Variants in PALM2AKAP2 observed in about 807,000 individuals in gnomAD.
The protein encoded by PALM2AKAP2 is PALM2 and AKAP2 fusion.
In PALM2AKAP2, 37 loss-of-function variants were observed where a neutral mutation model predicts 71.5. That is an observed-to-expected ratio of 0.52 (90% CI 0.40 to 0.68). The LOEUF is 0.68. PALM2AKAP2 is among the 30% of genes least tolerant of loss of function. The pLI is 0.00. For missense variants in PALM2AKAP2, 1,224 were observed against 1,191.8 expected (o/e 1.03, Z -0.40); for synonymous variants, 468 against 478.8 (o/e 0.98, Z 0.29).
At chr9:110,006,269 TTCTC>T (rs767963720) in intron 6 of PALM2AKAP2, among the ~76,000 whole-genome samples, 149 of 151,340 alleles carry the variant, frequency 9.8e-4, no homozygotes, top group Non-Finnish European at 1.9e-3. Context: ...TCCTTCCATT[TTCTC>T]TCTCTCTCTT....
chr9:109,977,847 G>T (rs1429607100), intron 6 of PALM2AKAP2, among the ~76,000 whole-genome samples: 1 of 151,996 alleles, frequency 6.6e-6, no homozygotes, highest in African/African-American at 2.4e-5. Flanking sequence ...TCTGTTTTCA[G>T]TCCCACCTTG....
At chr9:109,951,476 A>G (rs1588029399) in intron 6 of PALM2AKAP2, among the ~76,000 whole-genome samples, 2 of 151,978 alleles carry the variant, frequency 1.3e-5, no homozygotes, top group African/African-American at 2.4e-5. Context: ...CACTGCATCT[A>G]CCTCTGTGTG....
At chr9:109,762,842 C>A (rs535786826) in intron 1 of PALM2AKAP2, among the ~76,000 whole-genome samples, 5 of 152,176 alleles carry the variant, frequency 3.3e-5, no homozygotes, top group Non-Finnish European at 7.4e-5. Context: ...TCTCAATGCC[C>A]CTCCTTCCCA....
intron 1 of PALM2AKAP2, among the ~76,000 whole-genome samples, chr9:109,647,797 T>C (rs1038067834): frequency 1.2e-4 from 19 of 152,230 alleles, no homozygotes; most frequent in Non-Finnish European, 2.2e-4. Context: ...GCTTAAAATA[T>C]CTCATTGACT....
chr9:109,836,995 C>T (rs1828499329), intron 1 of PALM2AKAP2, among the ~76,000 whole-genome samples: 1 of 152,186 alleles, frequency 6.6e-6, no homozygotes, highest in Non-Finnish European at 1.5e-5. Flanking sequence ...CATAGCAATG[C>T]AGGCCAACAT....
At chr9:109,748,354 G>A (rs987636501) in intron 1 of PALM2AKAP2, among the ~76,000 whole-genome samples, 2 of 152,082 alleles carry the variant, frequency 1.3e-5, no homozygotes, top group Non-Finnish European at 2.9e-5. Flanking sequence ...GGACACTAGG[G>A]TTTGCAGGGA....
chr9:110,170,276 A>C (rs1376493054), exon 4 of PALM2AKAP2: 1 of 152,628 alleles, frequency 6.6e-6, no homozygotes, highest in Admixed American at 6.5e-5. Flanking sequence ...TAAAAAAGCA[A>C]TAATTAACTC....
At chr9:110,045,725 G>A (rs1048591767), upstream of PALM2AKAP2, among the ~76,000 whole-genome samples, 3 of 152,014 alleles carry the variant, frequency 2.0e-5, no homozygotes, top group African/African-American at 4.8e-5. Flanking sequence ...CTGCCACCAC[G>A]TCTGGCTAAT....
chr9:110,045,402 G>C (rs1411935626), upstream of PALM2AKAP2, among the ~76,000 whole-genome samples: 1 of 152,066 alleles, frequency 6.6e-6, no homozygotes, highest in Non-Finnish European at 1.5e-5. Flanking sequence ...ATGATGTGAT[G>C]AACCACAAGC....
At chr9:110,158,564 C>T (rs892551641) in intron 3 of PALM2AKAP2, among the ~76,000 whole-genome samples, 6 of 152,184 alleles carry the variant, frequency 3.9e-5, no homozygotes, top group African/African-American at 1.4e-4. Flanking sequence ...CTCTGGCAGC[C>T]ACCTAACAAA....
intron 1 of PALM2AKAP2, among the ~76,000 whole-genome samples, chr9:109,655,489 A>G (rs1451272054): frequency 1.3e-5 from 2 of 152,266 alleles, no homozygotes; most frequent in African/African-American, 4.8e-5. Context: ...TTATAAGTGC[A>G]TAATTCAGTG....
At chr9:109,787,030 T>C (rs1051654127) in intron 1 of PALM2AKAP2, among the ~76,000 whole-genome samples, 2 of 152,314 alleles carry the variant, frequency 1.3e-5, no homozygotes, top group South Asian at 4.2e-4. Flanking sequence ...TTCTGTGGCA[T>C]GAAATTGACT....
intron 1 of PALM2AKAP2, among the ~76,000 whole-genome samples, chr9:109,644,331 A>G (rs10116775): frequency 0.65 from 98,046 of 151,476 alleles, 32,127 homozygotes; most frequent in African/African-American, 0.74. Flanking sequence ...TCTCCGGTAG[A>G]AAAGCCCACT....
intron 1 of PALM2AKAP2, among the ~76,000 whole-genome samples, chr9:110,066,459 G>A (rs923117390): frequency 1.3e-5 from 2 of 152,196 alleles, no homozygotes; most frequent in African/African-American, 4.8e-5. Flanking sequence ...CACTTTGGGA[G>A]GCTAAGGCAG....
chr9:109,970,399 C>G (rs972445837), intron 6 of PALM2AKAP2, among the ~76,000 whole-genome samples: 6 of 152,158 alleles, frequency 3.9e-5, no homozygotes, highest in Non-Finnish European at 8.8e-5. Flanking sequence ...TTGAGGAGCG[C>G]TGCCTTAGAG....
upstream of PALM2AKAP2, chr9:109,780,324 C>G: frequency 1.4e-6 from 2 of 1,409,676 alleles, no homozygotes; most frequent in Non-Finnish European, 1.9e-6. Flanking sequence ...GCGAGCCCGC[C>G]GTGCGCACAG....
chr9:110,091,674 G>A (rs1357366544), intron 1 of PALM2AKAP2, among the ~76,000 whole-genome samples: 2 of 152,148 alleles, frequency 1.3e-5, no homozygotes, highest in Non-Finnish European at 2.9e-5. Flanking sequence ...GTGTTAGCCA[G>A]GATGGTCTTG....
chr9:109,854,143 G>C (rs1829091683), intron 1 of PALM2AKAP2, among the ~76,000 whole-genome samples: 1 of 152,106 alleles, frequency 6.6e-6, no homozygotes, highest in South Asian at 2.1e-4. Context: ...CCTTTCCCTT[G>C]TTCCCTGCTG....
At chr9:109,943,110 T>A in intron 6 of PALM2AKAP2, 1 of 1,614,220 alleles carries the variant, frequency 6.2e-7, no homozygotes, top group South Asian at 1.1e-5. Context: ...CAAACTTGGA[T>A]CAGCCCGTCA....
Sources: allele counts gnomAD v4.1 joint callset (sites outside exome capture counted in the v4.1 genomes callset), GRCh38; gene constraint gnomAD v4.1.1; transcripts MANE v1.5; gene names NCBI Gene and HGNC (gene_info 2026-07-23, HGNC 2026-07-21).